The following ELOVL6 variants were observed in gnomAD, a reference collection of about 807,000 sequenced individuals.
ELOVL6 encodes ELOVL fatty acid elongase 6, also known as very long chain fatty acid elongase 6.
ELOVL6 carries 8 observed loss-of-function variants against 31.7 expected under a neutral mutation model. The ratio of observed to expected loss-of-function variants is 0.25; its 90% CI spans 0.15 to 0.45. The LOEUF (loss-of-function observed/expected upper bound fraction) is 0.45, where lower values mean the gene tolerates loss of function less well. Among genes scored for constraint, ELOVL6 ranks in the 20% least tolerant of loss-of-function variants. The pLI is 1.00. For missense variants in ELOVL6, 126 were observed against 326.4 expected (o/e 0.39, Z 4.73); for synonymous variants, 101 against 117.7 (o/e 0.86, Z 0.92).
chr4:110,153,834 T>G (rs1192070896), intron 1 of ELOVL6, among the ~76,000 whole-genome samples: 1 of 152,214 alleles, frequency 6.6e-6, no homozygotes, highest in East Asian at 1.9e-4. Context: ...AGAAGTGGAA[T>G]AATGGGCTAT....
At position 110,122,839 on chromosome 4, in the gene ELOVL6, T is replaced by C. The variant is rs531094765; in HGVS notation, c.90-17211A>G. ...TTTCCTTCGCACATGCTGTTCTCAG[T>C]ACGTTGAATGCCCTTCCCATGCAAC... On this transcript the variant is annotated intron_variant, in intron 1 of 3. Coordinates refer to ENST00000302274, the MANE Select transcript of ELOVL6 (RefSeq NM_024090.3). Among the ~76,000 whole-genome samples, 7 of 152,356 alleles carry C rather than the reference T, an allele frequency of 4.6e-5. No individual in the cohort carries two copies. The South Asian group carries it at 1.2e-3, about 27-fold the overall frequency.
intron 1 of ELOVL6, among the ~76,000 whole-genome samples, chr4:110,109,960 G>A (rs905363153): frequency 6.6e-5 from 10 of 152,132 alleles, no homozygotes; most frequent in African/African-American, 2.2e-4. Context: ...GCAGTGAGGG[G>A]AAAAAATGAA....
chr4:110,157,904 G>A (rs919994784), intron 1 of ELOVL6, among the ~76,000 whole-genome samples: 1 of 152,092 alleles, frequency 6.6e-6, no homozygotes, highest in Non-Finnish European at 1.5e-5. Flanking sequence ...ATGAAGAAGT[G>A]GACCAGCACT....
chr4:110,108,063 G>A (rs1560826049), intron 1 of ELOVL6, among the ~76,000 whole-genome samples: 1 of 152,136 alleles, frequency 6.6e-6, no homozygotes, highest in Non-Finnish European at 1.5e-5. Flanking sequence ...ATTGCATAAT[G>A]TGTAGAACAT....
intron 1 of ELOVL6, among the ~76,000 whole-genome samples, chr4:110,162,358 TTTTTTGAGACAGGGTCTCAA>T (rs1284355612): frequency 2.0e-5 from 3 of 152,174 alleles, no homozygotes; most frequent in African/African-American, 7.2e-5. Context: ...GTTTATTTTA[TTTTTTGAGACAGGGTCTCAA>T]TGTGTTGCCC....
At chr4:110,184,798 A>C (rs1365904707) in intron 1 of ELOVL6, among the ~76,000 whole-genome samples, 1 of 152,210 alleles carries the variant, frequency 6.6e-6, no homozygotes, top group Non-Finnish European at 1.5e-5. Flanking sequence ...AAGCAGGTAA[A>C]GCAGATTAGC....
At chr4:110,089,486 C>A (rs1756359775) in intron 2 of ELOVL6, among the ~76,000 whole-genome samples, 2 of 152,086 alleles carry the variant, frequency 1.3e-5, no homozygotes, top group South Asian at 4.1e-4. Flanking sequence ...CCTATGTATA[C>A]TGAGGGATGA....
chr4:110,087,515 T>C (rs1578471290), intron 2 of ELOVL6, among the ~76,000 whole-genome samples: 1 of 152,276 alleles, frequency 6.6e-6, no homozygotes, highest in Middle Eastern at 3.4e-3. Flanking sequence ...CTCTAAAGGG[T>C]AATTATTCTC....
At chr4:110,077,598 T>A (rs1242329769) in intron 2 of ELOVL6, among the ~76,000 whole-genome samples, 1 of 151,968 alleles carries the variant, frequency 6.6e-6, no homozygotes, top group Non-Finnish European at 1.5e-5. Flanking sequence ...TATGTCACCA[T>A]CGTCAAAGAC....
chr4:110,145,074 A>G (rs1304446458), intron 1 of ELOVL6, among the ~76,000 whole-genome samples: 3 of 151,972 alleles, frequency 2.0e-5, no homozygotes, highest in Non-Finnish European at 2.9e-5. Flanking sequence ...GGAGGAATTC[A>G]GGTTGGCTCA....
At chr4:110,084,650 A>G (rs1359108230) in intron 2 of ELOVL6, among the ~76,000 whole-genome samples, 1 of 127,456 alleles carries the variant, frequency 7.8e-6, no homozygotes, top group Non-Finnish European at 1.6e-5. Context: ...ACTGGAGTAC[A>G]GTGGCGTGAT....
chr4:110,097,790 C>A (rs1017777799), intron 2 of ELOVL6, among the ~76,000 whole-genome samples: 1 of 123,696 alleles, frequency 8.1e-6, no homozygotes. Flanking sequence ...TTATACTCTG[C>A]CTTCAGAAAA....
chr4:110,053,753 C>T (rs1238763775), intron 3 of ELOVL6, among the ~76,000 whole-genome samples: 1 of 152,198 alleles, frequency 6.6e-6, no homozygotes, highest in Non-Finnish European at 1.5e-5. Context: ...TCCTGGCTAA[C>T]ACGGTGAAAC....
intron 2 of ELOVL6, among the ~76,000 whole-genome samples, chr4:110,070,633 G>A (rs1043628917): frequency 6.6e-6 from 1 of 152,134 alleles, no homozygotes; most frequent in Non-Finnish European, 1.5e-5. Flanking sequence ...GTTGGAGGAG[G>A]GGCCTGCTGG....
intron 1 of ELOVL6, among the ~76,000 whole-genome samples, chr4:110,134,638 A>C (rs189430793): frequency 6.6e-6 from 1 of 152,240 alleles, no homozygotes; most frequent in African/African-American, 2.4e-5. Flanking sequence ...GAATGAAGAC[A>C]TTTGGCAGAT....
intron 1 of ELOVL6, among the ~76,000 whole-genome samples, chr4:110,120,727 A>G (rs1757323643): frequency 6.6e-6 from 1 of 150,666 alleles, no homozygotes; most frequent in Non-Finnish European, 1.5e-5. Context: ...GGAATGTTAC[A>G]CTTCTCAACC....
chr4:110,051,753 A>G lies in ELOVL6; in HGVS notation c.383T>C (p.Ile128Thr). ...LSKAPELGDT[I>T]FIILRKQKLI... ...CTTCTGCTTCCTCAGAATAATGAAT[A>G]TTGTATCTCCTGGAAGACAAAGAGG... Residue 128 changes from isoleucine (I) to threonine (T), a missense_variant, in exon 4 of 4, where the codon ATA (isoleucine) becomes ACA (threonine). Coordinates refer to ENST00000302274, the MANE Select transcript of ELOVL6 (RefSeq NM_024090.3). The surrounding 1 kb of genome is among the most constrained non-coding windows in gnomAD (Gnocchi z 4.8). 1 of 1,612,374 alleles carries G rather than the reference A, an allele frequency of 6.2e-7. No homozygotes were observed. Among genetic ancestry groups the G allele is most frequent in the Non-Finnish European group, 8.5e-7 (1 of 1,179,256 alleles).
chr4:110,135,521 G>C (rs1757787047), intron 1 of ELOVL6, among the ~76,000 whole-genome samples: 1 of 152,138 alleles, frequency 6.6e-6, no homozygotes, highest in Non-Finnish European at 1.5e-5. Flanking sequence ...AGCTCAATAG[G>C]AACACTTACA....
intron 2 of ELOVL6, among the ~76,000 whole-genome samples, chr4:110,094,061 C>A (rs901489650): frequency 1.3e-5 from 2 of 151,324 alleles, no homozygotes; most frequent in Non-Finnish European, 2.9e-5. Flanking sequence ...ACCAGCCTGG[C>A]CGACATGGCA....
Sources: gnomAD v4.1 joint callset for allele counts (sites outside exome capture counted in the v4.1 genomes callset) on GRCh38, gnomAD v4.1.1 for gene constraint, Gnocchi (gnomAD v3.1) non-coding constraint, MANE v1.5 for transcripts, NCBI Gene and HGNC (gene_info 2026-07-23, HGNC 2026-07-21) for gene names.